The following DIAPH2 variants were observed in gnomAD, a reference collection of about 807,000 sequenced individuals.
DIAPH2 encodes protein diaphanous homolog 2.
In DIAPH2, 35 loss-of-function variants were observed where a neutral mutation model predicts 92.7. The observed-to-expected ratio is 0.38, with a 90% CI of 0.29 to 0.50. The LOEUF (loss-of-function observed/expected upper bound fraction) is 0.50. DIAPH2 is among the 20% of genes least tolerant of loss of function. The pLI is 0.94. For synonymous variants in DIAPH2, 301 were observed against 280.4 expected, an observed-to-expected ratio of 1.07 and a Z score of -0.73; for missense variants, 701 against 819.5, an observed-to-expected ratio of 0.86 and a Z score of 1.77.
At chrX:97,498,228 A>C (rs2070773144) in intron 26 of DIAPH2, among the ~76,000 whole-genome samples, 2 of 112,151 alleles carry the variant, frequency 1.8e-5, no homozygotes, top group Non-Finnish European at 1.9e-5. Context: ...TTTCCTTAAC[A>C]ATGAATGAAC....
chrX:97,226,308 T>A (rs2147521651), intron 22 of DIAPH2, among the ~76,000 whole-genome samples: 1 of 111,871 alleles, frequency 8.9e-6, no homozygotes, highest in African/African-American at 3.3e-5. Context: ...ATGCCAGGAC[T>A]TGTTTCTGAA....
At chrX:97,459,896 G>A (rs751552835) in intron 26 of DIAPH2, among the ~76,000 whole-genome samples, 1 of 111,603 alleles carries the variant, frequency 9.0e-6, no homozygotes, top group East Asian at 2.8e-4. Context: ...TTTAACCTAT[G>A]TATCAGTTTC....
chrX:97,173,322 G>A (rs952388720), intron 22 of DIAPH2, among the ~76,000 whole-genome samples: 11 of 111,648 alleles, frequency 9.9e-5, no homozygotes, highest in African/African-American at 3.6e-4. Flanking sequence ...GATTGCTTGA[G>A]CCCAGGAGGC....
At chrX:97,053,043 C>T (rs978255353) in intron 17 of DIAPH2, among the ~76,000 whole-genome samples, 5 of 110,882 alleles carry the variant, frequency 4.5e-5, no homozygotes, top group Non-Finnish European at 9.5e-5. Context: ...CTTTTCAGGC[C>T]CCATGAGAGA....
intron 5 of DIAPH2, among the ~76,000 whole-genome samples, chrX:96,892,051 A>G (rs2147760207): frequency 8.9e-6 from 1 of 112,315 alleles, no homozygotes; most frequent in Admixed American, 9.5e-5. Flanking sequence ...GATCTTGACA[A>G]CAATACAAAT....
intron 19 of DIAPH2, 143 bp from the exon 20 acceptor site, chrX:97,099,551 G>A (rs938715433): frequency 1.5e-5 from 5 of 327,476 alleles, no homozygotes; most frequent in African/African-American, 2.7e-5. Context: ...TTGGAGGGGC[G>A]GGGAAGGGCG....
At chrX:96,839,944 A>G (rs2147700472) in intron 4 of DIAPH2, among the ~76,000 whole-genome samples, 1 of 112,399 alleles carries the variant, frequency 8.9e-6, no homozygotes, top group African/African-American at 3.2e-5. Flanking sequence ...TAGAAGAAAT[A>G]TAATGCAAAC....
At chrX:96,855,662 A>G (rs923659421) in intron 4 of DIAPH2, among the ~76,000 whole-genome samples, 11 of 110,212 alleles carry the variant, frequency 1.0e-4, no homozygotes, top group African/African-American at 3.6e-4. Flanking sequence ...CCAGGAGATT[A>G]GAGGGACCTA....
chrX:97,431,154 C>G (rs1171084965), intron 26 of DIAPH2: 3 of 111,954 alleles, frequency 2.7e-5, no homozygotes, highest in Admixed American at 9.5e-5. Flanking sequence ...TTATCCGCAG[C>G]CTTTGTCTGT....
chrX:97,584,062 C>T (rs1377866834), intron 26 of DIAPH2, among the ~76,000 whole-genome samples: 1 of 112,539 alleles, frequency 8.9e-6, no homozygotes, highest in Non-Finnish European at 1.9e-5. Context: ...CACTGACCTG[C>T]GCCCACTGTC....
chrX:97,398,586 C>T (rs1029359276), intron 25 of DIAPH2, among the ~76,000 whole-genome samples: 1 of 110,567 alleles, frequency 9.0e-6, no homozygotes, highest in African/African-American at 3.3e-5. Context: ...CTCCCTCATC[C>T]TCTCTCTTTT....
chrX:97,475,054 A>G (rs904382083), intron 26 of DIAPH2, among the ~76,000 whole-genome samples: 1 of 110,995 alleles, frequency 9.0e-6, no homozygotes, highest in Non-Finnish European at 1.9e-5. Context: ...CACAGAGTTT[A>G]AACCCAGCAG....
chrX:97,061,900 C>T (rs1218940093), intron 17 of DIAPH2, among the ~76,000 whole-genome samples: 3 of 109,473 alleles, frequency 2.7e-5, no homozygotes, highest in African/African-American at 1.0e-4. Flanking sequence ...TTTCTTTTCC[C>T]GTCTTCTCTA....
chrX:96,880,937 A>G (rs760567139), intron 4 of DIAPH2, among the ~76,000 whole-genome samples: 1 of 111,833 alleles, frequency 8.9e-6, no homozygotes, highest in African/African-American at 3.2e-5. Flanking sequence ...AAAACTAGTC[A>G]CTATCAGATA....
chrX:96,983,041 G>A (rs1276307120), intron 17 of DIAPH2, among the ~76,000 whole-genome samples: 1 of 108,889 alleles, frequency 9.2e-6, no homozygotes, highest in African/African-American at 3.4e-5. Context: ...GGGGGAGTGC[G>A]GGTTCACTTA....
At chrX:97,595,580 C>CTCCT (rs775630632) in intron 26 of DIAPH2, among the ~76,000 whole-genome samples, 4 of 110,108 alleles carry the variant, frequency 3.6e-5, no homozygotes, top group Non-Finnish European at 7.6e-5. Flanking sequence ...TCTTTTTCCT[C>CTCCT]TCTTTCTTTC....
intron 17 of DIAPH2, among the ~76,000 whole-genome samples, chrX:97,005,600 C>T (rs1233736560): frequency 5.4e-5 from 6 of 111,078 alleles, no homozygotes; most frequent in Non-Finnish European, 1.1e-4. Flanking sequence ...AGTGCAGTGG[C>T]GTGATCTCGG....
intron 23 of DIAPH2, among the ~76,000 whole-genome samples, chrX:97,302,968 A>T (rs1400559746): frequency 8.9e-6 from 1 of 112,587 alleles, no homozygotes; most frequent in Non-Finnish European, 1.9e-5. Flanking sequence ...TAGGGGATAG[A>T]GTGAGACTCT....
chrX:97,328,127 T>C (rs948262420), intron 23 of DIAPH2, among the ~76,000 whole-genome samples: 2 of 111,723 alleles, frequency 1.8e-5, no homozygotes, highest in African/African-American at 3.3e-5. Flanking sequence ...TCTTTTGCTA[T>C]AGAAATATGT....
Sources: gnomAD v4.1 joint callset for allele counts (sites outside exome capture counted in the v4.1 genomes callset) on GRCh38, gnomAD v4.1.1 for gene constraint, MANE v1.5 for transcripts, NCBI Gene and HGNC (gene_info 2026-07-23, HGNC 2026-07-21) for gene names.